Variants in ACLY observed in about 807,000 individuals in gnomAD.
ACLY encodes the protein ATP citrate lyase, also known as ATP-citrate synthase.
A neutral mutation model predicts 133.0 loss-of-function variants in ACLY; 41 were observed. The ratio of observed to expected loss-of-function variants is 0.31; its 90% CI spans 0.24 to 0.40. The LOEUF is 0.40. Among genes scored for constraint, ACLY ranks in the 10% least tolerant of loss-of-function variants. ACLY has a pLI of 1.00. For synonymous variants in ACLY, 495 were observed against 549.3 expected (o/e 0.90, Z 1.38); for missense variants, 1,046 against 1,453.8 (o/e 0.72, Z 4.56).
At chr17:41,898,105 TTTTTCTTTTC>T (rs372439930) in intron 12 of ACLY, among the ~76,000 whole-genome samples, 3 of 152,000 alleles carry the variant, frequency 2.0e-5, no homozygotes, top group African/African-American at 7.3e-5. Context: ...GATTTTTAAG[TTTTTCTTTTC>T]TTTTCTTTTC....
intron 6 of ACLY, among the ~76,000 whole-genome samples, chr17:41,908,615 T>G (rs1025069455): frequency 3.9e-5 from 6 of 152,058 alleles, no homozygotes; most frequent in Non-Finnish European, 7.4e-5. Flanking sequence ...AAATAAAAAA[T>G]TAGCCTGGCG....
chr17:41,919,155 G>A, upstream of ACLY: 2 of 1,025,530 alleles, frequency 2.0e-6, no homozygotes, highest in South Asian at 1.7e-5. Flanking sequence ...TAGTCCCGCT[G>A]GCCCATCCAC....
intron 2 of ACLY, 85 bp from the exon 3 acceptor site, chr17:41,912,627 G>C: frequency 6.5e-7 from 1 of 1,528,922 alleles, no homozygotes; most frequent in South Asian, 1.2e-5. Context: ...GGACAGCAGG[G>C]ATTGACTTCC....
At chr17:41,887,237 G>A (rs536460310) in intron 17 of ACLY, among the ~76,000 whole-genome samples, 17 of 151,114 alleles carry the variant, frequency 1.1e-4, no homozygotes, top group Non-Finnish European at 2.5e-4. Flanking sequence ...TCAGGAGTTC[G>A]AGACCAGCCT....
Position 41,869,570 on chromosome 17 carries a change from C to T in ACLY, c.2955G>A (p.Met985Ile), listed in dbSNP as rs782253764. 1.2e-6 allele frequency: 2 copies of T among 1,613,966 alleles called. No homozygotes were observed. The highest frequency in any genetic ancestry group is 1.3e-5 in the African/African-American group (1 of 74,902). ...CGTAATCTTTGAGGATCTGCACTCG[C>T]ATGTCTGGGTTGTTTATCTAGAAAT... The part of the protein sequence containing the change: ...HRVKSINNPD[M>I]RVQILKDYVR... The change falls in exon 26 of 29, where the codon ATG (methionine) becomes ATA (isoleucine). Residue 985 changes from methionine (M) to isoleucine (I), a missense_variant. Physicochemically the swap from Met to Ile is conservative, Grantham distance 10. This residue lies in a region of ACLY where 205 missense variants were observed against 373.3 expected (regional missense o/e 0.55). Transcript: ENST00000352035.
chr17:41,889,724 C>T (rs1555628882), intron 16 of ACLY, among the ~76,000 whole-genome samples: 1 of 148,322 alleles, frequency 6.7e-6, no homozygotes, highest in African/African-American at 2.5e-5. Flanking sequence ...AGTCTCTCGT[C>T]GCCCAGGCTG....
intron 18 of ACLY, among the ~76,000 whole-genome samples, chr17:41,885,010 C>T (rs367845393): frequency 6.6e-6 from 1 of 152,108 alleles, no homozygotes; most frequent in East Asian, 1.9e-4. Context: ...GCTGGCACTA[C>T]TGGCACATGC....
chr17:41,884,653 G>A (rs2049003279), intron 18 of ACLY, among the ~76,000 whole-genome samples: 2 of 152,174 alleles, frequency 1.3e-5, no homozygotes, highest in Admixed American at 6.5e-5. Flanking sequence ...GGGAGGCCCA[G>A]GAGGGTGGAT....
intron 18 of ACLY, 71 bp downstream of exon 18, chr17:41,886,041 G>C: frequency 6.7e-7 from 1 of 1,490,312 alleles, no homozygotes; most frequent in Non-Finnish European, 9.3e-7. Flanking sequence ...GCAGCCTGCA[G>C]GACACAGCAT....
chr17:41,900,586 G>A (rs2049510009), intron 11 of ACLY, among the ~76,000 whole-genome samples: 1 of 151,616 alleles, frequency 6.6e-6, no homozygotes, highest in African/African-American at 2.4e-5. Context: ...TTAGCCAGGT[G>A]TGGTGGTGCA....
intron 1 of ACLY, among the ~76,000 whole-genome samples, chr17:41,918,599 G>A (rs1031248562): frequency 7.2e-5 from 11 of 152,210 alleles, no homozygotes; most frequent in African/African-American, 2.2e-4. Context: ...ATGCAATGTG[G>A]CAGAGGCAGA....
At chr17:41,929,162 A>T (rs1020286324) in intron 1 of ACLY, among the ~76,000 whole-genome samples, 17 of 149,648 alleles carry the variant, frequency 1.1e-4, no homozygotes, top group Non-Finnish European at 2.2e-4. Flanking sequence ...TGGCCCAAAC[A>T]TGGCTCACTG....
intron 16 of ACLY, among the ~76,000 whole-genome samples, chr17:41,889,134 AAAAC>A (rs1183527539): frequency 4.6e-5 from 7 of 152,264 alleles, no homozygotes; most frequent in African/African-American, 1.2e-4. Flanking sequence ...ACAAAAAACA[AAAAC>A]AAACAAACAA....
rs1451065502 is a variant in ACLY at position 41,929,129 on chromosome 17, T to C, written c.-28+1229A>G. Among the ~76,000 whole-genome samples the C allele has an allele frequency of 2.0e-5, 3 of 151,538 alleles. No homozygotes were observed. The East Asian group carries it at 5.8e-4, about 29-fold the overall frequency. The stretch of plus-strand genomic sequence containing the variant: ...TTTTTTTTTGAGACAGGGTCTTGCT[T>C]TGTTACACAGGCTACAATGCAGTGG... On this transcript the variant is annotated intron_variant, in intron 1 of 3. Coordinates refer to the ACLY transcript ENST00000592970.
intron 27 of ACLY, 76 bp downstream of exon 27, chr17:41,868,967 G>T: frequency 2.2e-6 from 3 of 1,388,298 alleles, no homozygotes; most frequent in Non-Finnish European, 3.0e-6. Context: ...TTATGAGTAT[G>T]CATTACTTTT....
At chr17:41,917,652 G>A (rs1016597969) in intron 1 of ACLY, among the ~76,000 whole-genome samples, 1 of 152,080 alleles carries the variant, frequency 6.6e-6, no homozygotes. Flanking sequence ...ACGTATGTAG[G>A]TATTTATTTA....
chr17:41,922,490 G>C (rs1055445578), upstream of ACLY, among the ~76,000 whole-genome samples: 1 of 151,782 alleles, frequency 6.6e-6, no homozygotes, highest in Non-Finnish European at 1.5e-5. Flanking sequence ...TACACTCCTG[G>C]GGAAATGGTC....
intron 1 of ACLY, chr17:41,930,294 T>C (rs1678552811): frequency 6.5e-6 from 1 of 154,892 alleles, no homozygotes; most frequent in African/African-American, 2.4e-5. Flanking sequence ...TCAGCCCAAG[T>C]CTGCTGACTC....
intron 1 of ACLY, among the ~76,000 whole-genome samples, chr17:41,928,195 A>G (rs2050265278): frequency 6.6e-6 from 1 of 152,138 alleles, no homozygotes; most frequent in South Asian, 2.1e-4. Flanking sequence ...TTTCCAGTTG[A>G]TTTTTGTATA....
Sources: allele counts gnomAD v4.1 joint callset (sites outside exome capture counted in the v4.1 genomes callset), GRCh38; gene constraint gnomAD v4.1.1; regional missense constraint gnomAD v4.1.1; transcripts MANE v1.5; gene names NCBI Gene and HGNC (gene_info 2026-07-23, HGNC 2026-07-21).